The following CDADC1 variants were observed in gnomAD, a reference collection of about 807,000 sequenced individuals.
CDADC1 encodes cytidine and dCMP deaminase domain containing 1, also known as dCTP deaminase.
Under a neutral mutation model 54.9 loss-of-function variants are expected in CDADC1, and 39 were observed. The ratio of observed to expected loss-of-function variants is 0.71; its 90% CI spans 0.55 to 0.93. The LOEUF (loss-of-function observed/expected upper bound fraction) is 0.93, where lower values mean the gene tolerates loss of function less well. Among genes scored for constraint, CDADC1 ranks in the 40% least tolerant of loss-of-function variants. The pLI is 0.00. For synonymous variants in CDADC1, 186 were observed against 204.0 expected (o/e 0.91, Z 0.75); for missense variants, 518 against 618.8 (o/e 0.84, Z 1.73).
At chr13:49,283,971 A>C (rs577756457) in intron 8 of CDADC1, among the ~76,000 whole-genome samples, 42 of 152,352 alleles carry the variant, frequency 2.8e-4, no homozygotes, top group Non-Finnish European at 5.4e-4. Flanking sequence ...TATCAAAAAT[A>C]GTGTGTGTCA....
chr13:49,258,100 C>T (rs1952590997), intron 3 of CDADC1, among the ~76,000 whole-genome samples: 1 of 152,172 alleles, frequency 6.6e-6, no homozygotes, highest in African/African-American at 2.4e-5. Flanking sequence ...AATGGAATTC[C>T]ATAAAATCTT....
At chr13:49,259,943 T>C (rs1311446882) in intron 4 of CDADC1, among the ~76,000 whole-genome samples, 3 of 151,834 alleles carry the variant, frequency 2.0e-5, no homozygotes, top group Non-Finnish European at 2.9e-5. Context: ...AATATATATC[T>C]GAAAGTCAGG....
At chr13:49,265,998 T>TA in intron 4 of CDADC1, 1 of 1,284,380 alleles carries the variant, frequency 7.8e-7, no homozygotes, top group Non-Finnish European at 1.0e-6. Context: ...AACACTCTGA[T>TA]ATGAGGTTTG....
chr13:49,256,216 T>G (rs886328010), intron 3 of CDADC1, among the ~76,000 whole-genome samples: 9 of 152,194 alleles, frequency 5.9e-5, no homozygotes, highest in Non-Finnish European at 1.0e-4. Context: ...CACACCTTGC[T>G]GGGTATGCCA....
chr13:49,268,725 A>C (rs535805153), intron 5 of CDADC1, among the ~76,000 whole-genome samples: 18 of 152,344 alleles, frequency 1.2e-4, no homozygotes, highest in African/African-American at 4.3e-4. Context: ...CAATATTTTG[A>C]TGTACTGAAT....
chr13:49,264,027 G>A (rs1952751779), intron 4 of CDADC1, among the ~76,000 whole-genome samples: 1 of 152,150 alleles, frequency 6.6e-6, no homozygotes, highest in Non-Finnish European at 1.5e-5. Flanking sequence ...AACCACCTGG[G>A]AACTAATTAA....
At chr13:49,276,163 T>G (rs1202179769) in intron 6 of CDADC1, among the ~76,000 whole-genome samples, 1 of 152,188 alleles carries the variant, frequency 6.6e-6, no homozygotes, top group African/African-American at 2.4e-5. Context: ...ATTCTGCATT[T>G]AAAAAATATT....
At chr13:49,283,692 A>C (rs930061324) in intron 8 of CDADC1, among the ~76,000 whole-genome samples, 2 of 152,054 alleles carry the variant, frequency 1.3e-5, no homozygotes, top group Non-Finnish European at 2.9e-5. Flanking sequence ...GACTAAGGGG[A>C]TCTTCAGGGG....
rs1221626874 is a variant in CDADC1, at chr13:49,247,944, G to C, written c.-94G>C. On this transcript the variant is annotated 5_prime_UTR_variant, in exon 1 of 10. Coordinates refer to ENST00000251108, the MANE Select transcript of CDADC1 (RefSeq NM_030911.4). The stretch of plus-strand genomic sequence containing the variant: ...GCGCCTAGTGGGCCGTTGCCTTACA[G>C]TTGCTGAGAGGAGGCGAGAGGCGGG... 3 of 1,166,562 alleles carry C rather than the reference G, an allele frequency of 2.6e-6. No individual in the cohort carries two copies. The highest frequency in any genetic ancestry group is 3.8e-6 in the Non-Finnish European group (3 of 799,234). 72.3% of individuals were successfully genotyped at this position (1,166,562 alleles called of 1,614,324 possible). A position where few individuals can be genotyped will look rare whatever the true frequency, so the allele number is the denominator to read the frequency against.
chr13:49,265,439 G>C (rs1234771947), intron 4 of CDADC1, among the ~76,000 whole-genome samples: 3 of 152,092 alleles, frequency 2.0e-5, no homozygotes, highest in Admixed American at 1.3e-4. Flanking sequence ...AAATTTAAAT[G>C]TCTATACGAA....
chr13:49,266,372 G>A (rs991850989), intron 4 of CDADC1, among the ~76,000 whole-genome samples: 4 of 151,844 alleles, frequency 2.6e-5, no homozygotes, highest in African/African-American at 9.7e-5. Flanking sequence ...TTGTCTGTTC[G>A]TATCTTTTTG....
chr13:49,275,716 TATATATATATAGAG>T (rs1953098253), intron 6 of CDADC1, among the ~76,000 whole-genome samples: 4 of 58,078 alleles, frequency 6.9e-5, no homozygotes, highest in South Asian at 1.4e-3. Context: ...TATATATATA[TATATATATATAGAG>T]AGAGAGAGAG....
chr13:49,291,612 A>T, intron 9 of CDADC1, 72 bp from the exon 10 acceptor site: 3 of 1,459,828 alleles, frequency 2.1e-6, no homozygotes, highest in South Asian at 2.5e-5. Flanking sequence ...CTCTTACAAC[A>T]TGTAAGGCTG....
At chr13:49,267,223 G>A (rs574979240) in intron 4 of CDADC1, among the ~76,000 whole-genome samples, 8 of 152,282 alleles carry the variant, frequency 5.3e-5, no homozygotes, top group Non-Finnish European at 1.0e-4. Flanking sequence ...AGTTCGATGT[G>A]TCACAAAATG....
At chr13:49,284,307 C>G (rs1414949630) in intron 8 of CDADC1, among the ~76,000 whole-genome samples, 1 of 152,132 alleles carries the variant, frequency 6.6e-6, no homozygotes, top group Non-Finnish European at 1.5e-5. Context: ...TGTATTATCT[C>G]ACAACTCATA....
intron 7 of CDADC1, among the ~76,000 whole-genome samples, chr13:49,279,831 A>G (rs999855145): frequency 5.3e-5 from 8 of 152,082 alleles, no homozygotes; most frequent in African/African-American, 1.9e-4. Flanking sequence ...GTCCTAAACT[A>G]CCCTCAGCAT....
rs764271518 is a variant in CDADC1, at chr13:49,259,524, G to A, written c.430+1G>A. The stretch of plus-strand genomic sequence containing the variant: ...GCTTGTTTGAAAATGATTGTAAATG[G>A]TAAGTGCAGAAAAGGGTTTGTTGGG... On this transcript the variant is annotated splice_donor_variant, in intron 4 of 9. Coordinates refer to ENST00000251108, the MANE Select transcript of CDADC1 (RefSeq NM_030911.4). LOFTEE classifies it high-confidence loss of function. The A allele has an allele frequency of 1.1e-5, 18 of 1,613,438 alleles. No individual in the cohort carries two copies. Among genetic ancestry groups the A allele is most frequent in the East Asian group, 2.2e-5 (1 of 44,880 alleles).
intron 4 of CDADC1, among the ~76,000 whole-genome samples, chr13:49,260,824 TA>T (rs1237412881): frequency 6.6e-6 from 1 of 152,214 alleles, no homozygotes; most frequent in African/African-American, 2.4e-5. Context: ...CATTATCTAG[TA>T]CCAAATCAGC....
chr13:49,256,070 CTT>C lies in CDADC1; in HGVS notation c.252+164_252+165del, dbSNP rs374949174. 1.6e-3 allele frequency among the ~76,000 whole-genome samples: 35 copies of C among 21,704 alleles called. No individual in the cohort carries two copies. The East Asian group carries it at 0.033, about 20-fold the overall frequency. The allele number at this position is 21,704 out of a possible 152,430, so 14.2% of individuals were successfully genotyped here. ...ATATTTACAAGACTATATGTCACTC[CTT>C]TTTTTTAAAAAAAAAAGTACAGATG... On this transcript the variant is annotated intron_variant, in intron 3 of 9. Transcript: ENST00000251108.
Sources: gnomAD v4.1 joint callset for allele counts (sites outside exome capture counted in the v4.1 genomes callset) on GRCh38, gnomAD v4.1.1 for gene constraint, MANE v1.5 for transcripts, NCBI Gene and HGNC (gene_info 2026-07-23, HGNC 2026-07-21) for gene names.